The following DMD variants were observed in gnomAD, a reference collection of about 807,000 sequenced individuals.
DMD encodes the protein dystrophin, also known as mutant dystrophin.
Under a neutral mutation model 330.1 loss-of-function variants are expected in DMD, and 63 were observed. The observed-to-expected ratio is 0.19, with a 90% CI of 0.16 to 0.24. The LOEUF is 0.24. Among genes scored for constraint, DMD ranks in the 10% least tolerant of loss-of-function variants. The pLI is 1.00. For synonymous variants in DMD, 1,223 were observed against 959.8 expected (o/e 1.27, Z -5.07); for missense variants, 3,344 against 2,684.1 (o/e 1.25, Z -5.43).
At chrX:32,417,276 T>C (rs2098169717) in intron 29 of DMD, among the ~76,000 whole-genome samples, 1 of 111,545 alleles carries the variant, frequency 9.0e-6, no homozygotes, top group Admixed American at 9.5e-5. Context: ...TAAAACTCTC[T>C]GAAGGTTTTA....
chrX:32,807,123 A>G (rs765641795), intron 7 of DMD, among the ~76,000 whole-genome samples: 2 of 51,079 alleles, frequency 3.9e-5, no homozygotes, highest in African/African-American at 1.2e-4. Flanking sequence ...GGAAACATTT[A>G]AAAAAAAAAA....
rs777978842 is a variant in DMD, at chrX:32,751,702, C to T, written c.650-52409G>A. The stretch of plus-strand genomic sequence containing the variant: ...CAATGAGAAAAATGTCTCCAGGGCA[C>T]GTCAGAGACCTTTGTGGCAGCCCCT... On this transcript the variant is annotated intron_variant, in intron 7 of 78. Coordinates refer to ENST00000357033, the MANE Select transcript of DMD (RefSeq NM_004006.3). 7.1e-5 allele frequency among the ~76,000 whole-genome samples: 8 copies of T among 112,300 alleles called. No individual in the cohort carries two copies. In the East Asian group the frequency reaches 8.5e-4, roughly 12 times the overall value.
intron 6 of DMD, among the ~76,000 whole-genome samples, chrX:32,815,081 G>C (rs934899397): frequency 1.8e-5 from 2 of 110,835 alleles, no homozygotes; most frequent in Admixed American, 1.9e-4. Flanking sequence ...GCTGCTTAAC[G>C]TGACATTTGA....
intron 44 of DMD, among the ~76,000 whole-genome samples, chrX:32,209,759 C>T (rs780903346): frequency 1.8e-5 from 2 of 111,264 alleles, no homozygotes; most frequent in Admixed American, 1.9e-4. Context: ...AGTTCTTTAC[C>T]GTGGTTACTA....
Position 31,920,416 on chromosome X carries a change from T to C in DMD, c.6912+9180A>G, listed in dbSNP as rs568689319. Among the ~76,000 whole-genome samples, 4 of 112,099 alleles carry C rather than the reference T, an allele frequency of 3.6e-5. No homozygotes were observed. In the East Asian group the frequency reaches 1.1e-3, roughly 31 times the overall value. ...AACCTCAGTTTAAGGAGTTGGCATATGAAAACTTCCATTTAATATCATTTC... is the reference window on the plus strand; with the variant it reads ...AACCTCAGTTTAAGGAGTTGGCATACGAAAACTTCCATTTAATATCATTTC... On this transcript the variant is annotated intron_variant, in intron 47 of 78. Transcript: ENST00000357033.
intron 17 of DMD, among the ~76,000 whole-genome samples, chrX:32,523,932 CTTTT>C (rs57254581): frequency 2.3e-5 from 2 of 87,434 alleles, no homozygotes; most frequent in Non-Finnish European, 2.2e-5. Context: ...CAAAAGAAAT[CTTTT>C]TTTTTTTTTT....
At position 31,186,540 on chromosome X, in the gene DMD, A is replaced by G. The variant is rs141410939; in HGVS notation, c.9808-3636T>C. ...GAGGAGGGAGAAGATCAGGAAAATA[A>G]CTAATGGGTATTAGGCTTAATACTT... On this transcript the variant is annotated intron_variant, in intron 67 of 78. Transcript: ENST00000357033. Among the ~76,000 whole-genome samples, 874 of 111,636 alleles carry G rather than the reference A, an allele frequency of 7.8e-3. 6 individuals are homozygous for G. Among genetic ancestry groups the G allele is most frequent in the Middle Eastern group, 0.051 (11 of 217 alleles).
At chrX:31,212,910 A>G (rs952664835) in intron 64 of DMD, among the ~76,000 whole-genome samples, 54 of 111,596 alleles carry the variant, frequency 4.8e-4, no homozygotes, top group African/African-American at 1.6e-3. Flanking sequence ...GTTAGTGGAG[A>G]AAAAAAAAGT....
intron 13 of DMD, among the ~76,000 whole-genome samples, chrX:32,589,873 G>C (rs1267937465): frequency 9.0e-6 from 1 of 111,228 alleles, no homozygotes; most frequent in Non-Finnish European, 1.9e-5. Context: ...TCCTCAAATG[G>C]CTTCCTTCCC....
chrX:32,667,195 A>T (rs1312623583), intron 9 of DMD, among the ~76,000 whole-genome samples: 1 of 111,506 alleles, frequency 9.0e-6, no homozygotes, highest in African/African-American at 3.3e-5. Flanking sequence ...AGAACTCCTC[A>T]TGCGTAGAAA....
chrX:32,089,542 G>A (rs1429630901), intron 44 of DMD, among the ~76,000 whole-genome samples: 1 of 111,503 alleles, frequency 9.0e-6, no homozygotes, highest in African/African-American at 3.3e-5. Context: ...CGCAGTATTT[G>A]GTTTTCTGTT....
In DMD at chrX:32,271,120, C is replaced by T. The variant is rs576496040; in HGVS notation, c.6290+16409G>A. Among the ~76,000 whole-genome samples, 87 of 111,958 alleles carry T rather than the reference C, an allele frequency of 7.8e-4. No homozygotes were observed. In the Middle Eastern group the frequency reaches 0.014, roughly 18 times the overall value. On this transcript the variant is annotated intron_variant, in intron 43 of 78. Transcript: ENST00000357033. Reference sequence around the variant, plus strand: ...ATTCCTTCAAAACAAAGGACACAGACTGGACCATCCTTGGTTTTCAAGTAC... The same window carrying T: ...ATTCCTTCAAAACAAAGGACACAGATTGGACCATCCTTGGTTTTCAAGTAC...
intron 62 of DMD, among the ~76,000 whole-genome samples, chrX:31,322,442 T>A (rs1455750220): frequency 8.9e-6 from 1 of 111,883 alleles, no homozygotes; most frequent in Non-Finnish European, 1.9e-5. Context: ...TCATAAAATA[T>A]GAAAACTAAA....
intron 44 of DMD, among the ~76,000 whole-genome samples, chrX:32,132,691 G>A (rs1388388852): frequency 9.1e-6 from 1 of 110,437 alleles, no homozygotes; most frequent in African/African-American, 3.3e-5. Flanking sequence ...ACCTGCGCTG[G>A]AGATTTGGCT....
intron 37 of DMD, among the ~76,000 whole-genome samples, chrX:32,354,720 A>G (rs2097793114): frequency 1.8e-5 from 2 of 111,343 alleles, no homozygotes; most frequent in African/African-American, 6.5e-5. Context: ...TTTGATAATA[A>G]AAATGTGAAA....
chrX:32,041,532 CT>C (rs2096002941), intron 44 of DMD, among the ~76,000 whole-genome samples: 1 of 112,013 alleles, frequency 8.9e-6, no homozygotes, highest in Non-Finnish European at 1.9e-5. Context: ...AGTACTGTTG[CT>C]TTTATTCTAG....
At position 31,248,985 on chromosome X, in the gene DMD, G is replaced by A. The variant is rs750601662; in HGVS notation, c.9286+11970C>T. On this transcript the variant is annotated intron_variant, in intron 63 of 78. Coordinates refer to ENST00000357033, the MANE Select transcript of DMD (RefSeq NM_004006.3). ...CTAGGTATAACAGAAACTTCATGCT[G>A]TGTGTGTGGCTTCTCAGCACTTCCA... Among the ~76,000 whole-genome samples, 5 of 111,668 alleles carry A rather than the reference G, an allele frequency of 4.5e-5. No individual in the cohort carries two copies. The South Asian group carries it at 1.5e-3, about 34-fold the overall frequency.
chrX:31,354,789 A>G (rs1460242881), intron 60 of DMD, among the ~76,000 whole-genome samples: 1 of 112,325 alleles, frequency 8.9e-6, no homozygotes, highest in Non-Finnish European at 1.9e-5. Flanking sequence ...AGAATTTATC[A>G]CAATGCCTAG....
intron 67 of DMD, among the ~76,000 whole-genome samples, chrX:31,199,786 G>A (rs2043254698): frequency 8.9e-6 from 1 of 112,087 alleles, no homozygotes; most frequent in African/African-American, 3.2e-5. Flanking sequence ...GGATAAACAA[G>A]TACTTTATTA....
Sources: allele counts gnomAD v4.1 joint callset (sites outside exome capture counted in the v4.1 genomes callset), GRCh38; gene constraint gnomAD v4.1.1; transcripts MANE v1.5; gene names NCBI Gene and HGNC (gene_info 2026-07-23, HGNC 2026-07-21).